The following LRRC8C variants were observed in gnomAD, a reference collection of about 807,000 sequenced individuals.
LRRC8C encodes leucine rich repeat containing 8 VRAC subunit C, also known as volume-regulated anion channel subunit LRRC8C.
Under a neutral mutation model 55.3 loss-of-function variants are expected in LRRC8C, and 20 were observed. The observed-to-expected ratio is 0.36, with a 90% CI of 0.25 to 0.53. The LOEUF (loss-of-function observed/expected upper bound fraction) is 0.53. Among genes scored for constraint, LRRC8C ranks in the 20% least tolerant of loss-of-function variants. LRRC8C has a pLI of 0.92. For missense variants in LRRC8C, 659 were observed against 951.4 expected (o/e 0.69, Z 4.04); for synonymous variants, 376 against 360.7 (o/e 1.04, Z -0.48).
At chr1:89,619,143 GAA>G in the LRRC8C span, among the ~76,000 whole-genome samples, 2 of 152,136 alleles carry the variant, frequency 1.3e-5, no homozygotes, top group East Asian at 1.9e-4. Context: ...AGTAAACAAT[GAA>G]AGTCTTTTTT....
chr1:89,649,260 T>A (rs1656695445), intron 1 of LRRC8C, among the ~76,000 whole-genome samples: 1 of 152,210 alleles, frequency 6.6e-6, no homozygotes, highest in Admixed American at 6.5e-5. Context: ...TAATCATTAC[T>A]GGAATATCAA....
At chr1:89,618,599 T>G in the LRRC8C span, among the ~76,000 whole-genome samples, 1 of 152,080 alleles carries the variant, frequency 6.6e-6, no homozygotes. Context: ...AGAGCAAAAC[T>G]AGAGGAGAGA....
In LRRC8C at chr1:89,717,252, A is replaced by G. The variant is rs185935728; in HGVS notation, c.*2270A>G. 2.6e-5 allele frequency: 4 copies of G among 152,266 alleles called. No individual in the cohort carries two copies. Among genetic ancestry groups the G allele is most frequent in the African/African-American group, 4.8e-5 (2 of 41,556 alleles). The allele number at this position is 152,266 out of a possible 1,614,324, so 9.4% of individuals were successfully genotyped here. On this transcript the variant is annotated 3_prime_UTR_variant, in exon 3 of 3. Transcript: ENST00000370454. ...TAACTGCTGGCAAAACACTGGGTGCACTATTTTTCTGGATAAAATTTATAG... is the reference window on the plus strand; with the variant it reads ...TAACTGCTGGCAAAACACTGGGTGCGCTATTTTTCTGGATAAAATTTATAG...
chr1:89,705,229 C>T (rs1176539301), intron 2 of LRRC8C, among the ~76,000 whole-genome samples: 1 of 131,096 alleles, frequency 7.6e-6, no homozygotes, highest in Non-Finnish European at 1.5e-5. Context: ...ACAGTGAGAA[C>T]ACATGGACAC....
intron 2 of LRRC8C, among the ~76,000 whole-genome samples, chr1:89,710,160 C>T (rs1457023263): frequency 6.6e-6 from 1 of 152,022 alleles, no homozygotes; most frequent in Non-Finnish European, 1.5e-5. Context: ...GATCTCTGGC[C>T]CCCTCCCTCT....
chr1:89,651,343 C>A (rs1656770618), intron 1 of LRRC8C, among the ~76,000 whole-genome samples: 1 of 152,038 alleles, frequency 6.6e-6, no homozygotes, highest in Non-Finnish European at 1.5e-5. Context: ...CCAAGGTGGG[C>A]AGATCACGAG....
rs1054554140 is a variant in LRRC8C at position 89,652,063 on chromosome 1, A to C, written c.-5+18741A>C. On this transcript the variant is annotated intron_variant, in intron 1 of 2. Coordinates refer to ENST00000370454, the MANE Select transcript of LRRC8C (RefSeq NM_032270.5). The stretch of plus-strand genomic sequence containing the variant: ...TTTTTCTTTTTCAAGGCAATGTAGT[A>C]TATTTTTAAAAGCATACACTGGAGT... 2.6e-5 allele frequency among the ~76,000 whole-genome samples: 4 copies of C among 152,344 alleles called. No homozygotes were observed. In the East Asian group the frequency reaches 7.7e-4, roughly 29 times the overall value.
At chr1:89,647,764 A>G (rs1347753195) in intron 1 of LRRC8C, among the ~76,000 whole-genome samples, 2 of 152,200 alleles carry the variant, frequency 1.3e-5, no homozygotes, top group African/African-American at 4.8e-5. Context: ...TACAAATCAC[A>G]CAGGCCAAAC....
At chr1:89,637,555 T>C (rs1480752892) in intron 1 of LRRC8C, among the ~76,000 whole-genome samples, 1 of 151,960 alleles carries the variant, frequency 6.6e-6, no homozygotes, top group African/African-American at 2.4e-5. Context: ...TGAGGCCTGC[T>C]AGATATTGGT....
chr1:89,711,329 A>G (rs1166348713), intron 2 of LRRC8C, among the ~76,000 whole-genome samples: 2 of 152,206 alleles, frequency 1.3e-5, no homozygotes. Flanking sequence ...TCACCTTACT[A>G]TGCTATAGCA....
At chr1:89,644,627 TTA>T (rs1477043145) in intron 1 of LRRC8C, among the ~76,000 whole-genome samples, 1 of 152,186 alleles carries the variant, frequency 6.6e-6, no homozygotes, top group Admixed American at 6.5e-5. Context: ...GACACTGCAG[TTA>T]TACATAGTCC....
chr1:89,677,283 T>C (rs527290268), intron 1 of LRRC8C, among the ~76,000 whole-genome samples: 9 of 152,324 alleles, frequency 5.9e-5, no homozygotes, highest in Middle Eastern at 3.4e-3. Flanking sequence ...ATCATGGAGA[T>C]ATCCAAGGAA....
intron 1 of LRRC8C, among the ~76,000 whole-genome samples, chr1:89,682,904 T>C (rs1441465692): frequency 6.6e-6 from 1 of 152,228 alleles, no homozygotes; most frequent in Non-Finnish European, 1.5e-5. Context: ...CTTTATCACA[T>C]CATACTACTT....
intron 1 of LRRC8C, among the ~76,000 whole-genome samples, chr1:89,658,115 TC>T (rs1250768168): frequency 6.6e-6 from 1 of 152,190 alleles, no homozygotes; most frequent in Admixed American, 6.5e-5. Flanking sequence ...AACAGCAGTT[TC>T]CCTTGATGTT....
chr1:89,631,006 G>A (rs1470079506), upstream of LRRC8C, among the ~76,000 whole-genome samples: 2 of 152,214 alleles, frequency 1.3e-5, no homozygotes, highest in Admixed American at 6.5e-5. Context: ...GTAGCCAAAA[G>A]TATTGCAATA....
intron 1 of LRRC8C, among the ~76,000 whole-genome samples, chr1:89,670,316 T>C (rs1238851019): frequency 6.6e-6 from 1 of 152,208 alleles, no homozygotes; most frequent in Non-Finnish European, 1.5e-5. Flanking sequence ...CGCATTTTCA[T>C]TTCCGCATTT....
In LRRC8C at chr1:89,718,159, C is replaced by A. The variant is rs1658876644; in HGVS notation, c.*3177C>A. 1.3e-5 allele frequency: 2 copies of A among 152,154 alleles called. No individual in the cohort carries two copies. Among genetic ancestry groups the A allele is most frequent in the Admixed American group, 1.3e-4 (2 of 15,272 alleles). The allele number at this position is 152,154 out of a possible 1,614,324, so 9.4% of individuals were successfully genotyped here. A position where few individuals can be genotyped will look rare whatever the true frequency, so the allele number is the denominator to read the frequency against. The stretch of plus-strand genomic sequence containing the variant: ...ATAAAGATTCTTGATACAGTGAAAT[C>A]TCTTATTTCAAGTGTAAGTTATTCT... On this transcript the variant is annotated 3_prime_UTR_variant, in exon 3 of 3. Coordinates refer to ENST00000370454, the MANE Select transcript of LRRC8C (RefSeq NM_032270.5).
the LRRC8C span, among the ~76,000 whole-genome samples, chr1:89,619,400 AT>A: frequency 6.6e-6 from 1 of 150,672 alleles, no homozygotes; most frequent in South Asian, 2.1e-4. Context: ...TTTATATAAA[AT>A]TTATCAATTT....
intron 1 of LRRC8C, 52 bp from the exon 2 acceptor site, chr1:89,686,418 G>A (rs1272244096): frequency 6.3e-7 from 1 of 1,594,464 alleles, no homozygotes; most frequent in Non-Finnish European, 8.6e-7. Context: ...TAACAATGCA[G>A]TATGTTGTAC....
Sources: allele counts gnomAD v4.1 joint callset (sites outside exome capture counted in the v4.1 genomes callset), GRCh38; gene constraint gnomAD v4.1.1; transcripts MANE v1.5; gene names NCBI Gene and HGNC (gene_info 2026-07-23, HGNC 2026-07-21).